The following AHDC1 variants were observed in gnomAD, a reference collection of about 807,000 sequenced individuals.
The protein encoded by AHDC1 is transcription factor Gibbin.
AHDC1 carries 7 observed loss-of-function variants against 87.9 expected under a neutral mutation model. The ratio of observed to expected loss-of-function variants is 0.08; its 90% CI spans 0.05 to 0.15. The LOEUF is 0.15. Ranked by LOEUF, AHDC1 falls within the 10% of genes least tolerant of loss-of-function variation. The pLI is 1.00. For synonymous variants in AHDC1, 1,051 were observed against 1,006.8 expected (o/e 1.04, Z -0.83); for missense variants, 1,841 against 2,253.2 (o/e 0.82, Z 3.70).
At chr1:27,603,225 G>A (rs1464357918) in intron 3 of AHDC1, among the ~76,000 whole-genome samples, 172 bp downstream of exon 3, 1 of 141,936 alleles carries the variant, frequency 7.0e-6, no homozygotes, top group Non-Finnish European at 1.5e-5. Context: ...GCCGAGCCCA[G>A]CCGAGCCGCG....
chr1:27,603,383 G>A lies in AHDC1; in HGVS notation c.-629+14C>T, dbSNP rs1302347109. ...CCAGCGGGGGTCTGGGGCTGGGGAG[G>A]AGGCGCCACTCACCGGAGTGCTGGG... On this transcript the variant is annotated intron_variant, in intron 3 of 8. Coordinates refer to ENST00000673934, the MANE Select transcript of AHDC1 (RefSeq NM_001371928.1). 1.3e-5 allele frequency: 2 copies of A among 152,480 alleles called. No homozygotes were observed. The highest frequency in any genetic ancestry group is 3.8e-4 in the East Asian group (2 of 5,196). The allele number at this position is 152,480 out of a possible 1,614,324, so 9.4% of individuals were successfully genotyped here.
At chr1:27,543,057 G>A (rs1339418365) in intron 8 of AHDC1, among the ~76,000 whole-genome samples, 1 of 152,228 alleles carries the variant, frequency 6.6e-6, no homozygotes, top group Non-Finnish European at 1.5e-5. Context: ...CTGCGGCCTG[G>A]TCCAGGCCCG....
At chr1:27,566,971 G>C (rs1482858626) in intron 3 of AHDC1, among the ~76,000 whole-genome samples, 1 of 151,966 alleles carries the variant, frequency 6.6e-6, no homozygotes, top group Non-Finnish European at 1.5e-5. Flanking sequence ...CCCTGCCCTC[G>C]GGGCTCTACC....
intron 3 of AHDC1, among the ~76,000 whole-genome samples, chr1:27,574,018 C>T (rs1359480026): frequency 6.6e-6 from 1 of 152,160 alleles, no homozygotes; most frequent in African/African-American, 2.4e-5. Flanking sequence ...GGAGTTGACA[C>T]AGGCCCAGGC....
intron 3 of AHDC1, among the ~76,000 whole-genome samples, chr1:27,574,613 T>TG (rs1002693749): frequency 3.9e-5 from 6 of 151,914 alleles, no homozygotes; most frequent in African/African-American, 1.2e-4. Flanking sequence ...GTATGCTAGG[T>TG]GGGGGCAGGA....
Position 27,547,681 on chromosome 1 carries a change from A to G in AHDC1, c.4435T>C (p.Tyr1479His). 6.3e-7 allele frequency: 1 copy of G among 1,595,526 alleles called. No homozygotes were observed. The highest frequency in any genetic ancestry group is 1.3e-5 in the African/African-American group (1 of 74,624). The change falls in exon 8 of 9, where the codon TAT (tyrosine) becomes CAT (histidine). Residue 1479 changes from tyrosine to histidine, a missense_variant. Tyr to His is a moderately conservative substitution (Grantham distance 83). This residue lies in a region of AHDC1 where 505 missense variants were observed against 626.2 expected (regional missense o/e 0.81). Transcript: ENST00000673934. This position sits in a 1 kb window ranked among gnomAD's most constrained non-coding sequence, Gnocchi z 4.9. The part of the protein sequence containing the change: ...PPGSAARSPP[Y>H]EGKVGTGLLA... Reference sequence around the variant, plus strand: ...AGCCCTGTACCCACCTTGCCTTCATAGGGCGGGCTGCGGGCAGCTGAGCCT... The same window carrying G: ...AGCCCTGTACCCACCTTGCCTTCATGGGGCGGGCTGCGGGCAGCTGAGCCT...
In AHDC1 at chr1:27,556,296, A is replaced by G. The variant is rs1024632091; in HGVS notation, c.-225+2009T>C. Among the ~76,000 whole-genome samples, 8 of 143,462 alleles carry G rather than the reference A, an allele frequency of 5.6e-5. 1 individual carries two copies. In the South Asian group the frequency reaches 6.8e-4, roughly 12 times the overall value. The allele number at this position is 143,462 out of a possible 152,430, so 94.1% of individuals were successfully genotyped here. ...AGCCCCAGCTCTCACTTCCGGCCTCATGACCCTCTCTCCAGCTTGCACACT... is the reference window on the plus strand; with the variant it reads ...AGCCCCAGCTCTCACTTCCGGCCTCGTGACCCTCTCTCCAGCTTGCACACT... On this transcript the variant is annotated intron_variant, in intron 5 of 8. Coordinates refer to ENST00000673934, the MANE Select transcript of AHDC1 (RefSeq NM_001371928.1).
Position 27,577,100 on chromosome 1 carries a change from C to G in AHDC1, c.-628-18217G>C, listed in dbSNP as rs557321863. On this transcript the variant is annotated intron_variant, in intron 3 of 8. Coordinates refer to ENST00000673934, the MANE Select transcript of AHDC1 (RefSeq NM_001371928.1). ...TCTTCCTGGCTACTCTGTCCCTGTC[C>G]CTCACTCCCTCTCCAGTAGCTCACA... 1.2e-4 allele frequency among the ~76,000 whole-genome samples: 18 copies of G among 152,278 alleles called. No individual in the cohort carries two copies. The South Asian group carries it at 3.3e-3, about 28-fold the overall frequency.
chr1:27,548,828 G>T lies in AHDC1; in HGVS notation c.3288C>A (p.Pro1096=). Residue 1096 remains proline (P), a synonymous_variant, in exon 8 of 9, where the codon CCC becomes CCA. Coordinates refer to ENST00000673934, the MANE Select transcript of AHDC1 (RefSeq NM_001371928.1). ...CCCCCGCAAACTGCCGACAGTTCTCGGGCGAGGGCTGGAAGGAGGAGGAGG... is the reference window on the plus strand; with the variant it reads ...CCCCCGCAAACTGCCGACAGTTCTCTGGCGAGGGCTGGAAGGAGGAGGAGG... ...SSSSSSFQPS[P]ENCRQFAGAS... The T allele has an allele frequency of 6.2e-7, 1 of 1,613,028 alleles. No homozygotes were observed. Among genetic ancestry groups the T allele is most frequent in the East Asian group, 2.2e-5 (1 of 44,878 alleles).
In AHDC1 at chr1:27,550,864, T is replaced by C. The variant is rs1386110914; in HGVS notation, c.1252A>G (p.Met418Val). ...GPEGRLLPLP[M>V]PTGLVAALAE... ...AGGGCAGCCACCAGCCCCGTGGGCA[T>C]AGGCAGGGGCAGTAGGCGGCCCTCG... The change falls in exon 8 of 9, where the codon ATG (methionine) becomes GTG (valine). Residue 418 changes from methionine (M) to valine (V), a missense_variant. Physicochemically the swap from Met to Val is conservative, Grantham distance 21. Around this residue, in one of 13 missense-constraint regions of AHDC1, gnomAD observed 370 missense variants for 391.5 expected, o/e 0.95. Coordinates refer to ENST00000673934, the MANE Select transcript of AHDC1 (RefSeq NM_001371928.1). The C allele has an allele frequency of 1.2e-5, 19 of 1,580,558 alleles. No homozygotes were observed. The highest frequency in any genetic ancestry group is 1.5e-5 in the Non-Finnish European group (18 of 1,167,794).
intron 3 of AHDC1, among the ~76,000 whole-genome samples, chr1:27,559,256 A>C (rs962698248): frequency 6.6e-6 from 1 of 151,458 alleles, no homozygotes; most frequent in Admixed American, 6.6e-5. Flanking sequence ...GGGTCTCACC[A>C]TCTTGCCCAG....
In AHDC1 at chr1:27,545,333, G is replaced by C. The variant is rs191637626; in HGVS notation, c.*43+1928C>G. Among the ~76,000 whole-genome samples the C allele has an allele frequency of 7.8e-4, 119 of 152,120 alleles. 1 individual carries two copies. The highest frequency in any genetic ancestry group is 2.7e-3 in the African/African-American group (114 of 41,486). On this transcript the variant is annotated intron_variant, in intron 8 of 8. Coordinates refer to ENST00000673934, the MANE Select transcript of AHDC1 (RefSeq NM_001371928.1). ...CTGGACAGATGTCTCTAGAACAATG[G>C]AATGCATTGGTTTGAGGACAGCGCA...
At position 27,548,295 on chromosome 1, in the gene AHDC1, C is replaced by T. The variant is rs577957987; in HGVS notation, c.3821G>A (p.Gly1274Glu). The change falls in exon 8 of 9, where the codon GGA becomes GAA. Residue 1274 changes from glycine (G) to glutamate (E), a missense_variant. Gly to Glu is a moderately conservative substitution (Grantham distance 98). Around this residue, in one of 13 missense-constraint regions of AHDC1, gnomAD observed 505 missense variants for 626.2 expected, o/e 0.81. Coordinates refer to ENST00000673934, the MANE Select transcript of AHDC1 (RefSeq NM_001371928.1). ...RSTGPRQPRG[G>E]RGGGACSAKK... ...GGCTGAGCAGGCCCCACCGCCCCGT[C>T]CACCTCGCGGCTGCCGGGGCCCAGT... The T allele has an allele frequency of 6.2e-7, 1 of 1,606,810 alleles. No homozygotes were observed. The highest frequency in any genetic ancestry group is 1.7e-5 in the Admixed American group (1 of 59,918).
rs1009854037 is a variant in AHDC1 at position 27,560,590 on chromosome 1, C to T, written c.-628-1707G>A. Reference sequence around the variant, plus strand: ...GGCAGTGTGACTGGCCACAGTGTCCCTGTGGGTCTCTTTCACCATGGGTCA... The same window carrying T: ...GGCAGTGTGACTGGCCACAGTGTCCTTGTGGGTCTCTTTCACCATGGGTCA... On this transcript the variant is annotated intron_variant, in intron 3 of 8. Transcript: ENST00000673934. This position sits in a 1 kb window ranked among gnomAD's most constrained non-coding sequence, Gnocchi z 4.1. 2.0e-5 allele frequency among the ~76,000 whole-genome samples: 3 copies of T among 152,200 alleles called. No homozygotes were observed. Among genetic ancestry groups the T allele is most frequent in the African/African-American group, 7.2e-5 (3 of 41,510 alleles).
chr1:27,597,692 G>C (rs1571350930), intron 3 of AHDC1, among the ~76,000 whole-genome samples: 1 of 152,078 alleles, frequency 6.6e-6, no homozygotes, highest in East Asian at 1.9e-4. Flanking sequence ...GGTTTGGGGA[G>C]GGAAGAGGGA....
At chr1:27,567,154 C>T (rs2148374979) in intron 3 of AHDC1, among the ~76,000 whole-genome samples, 1 of 152,216 alleles carries the variant, frequency 6.6e-6, no homozygotes, top group Admixed American at 6.5e-5. Context: ...CCTCTCTGTC[C>T]CCTCCAGTCT....
intron 8 of AHDC1, among the ~76,000 whole-genome samples, chr1:27,536,442 G>T (rs960273723): frequency 6.6e-6 from 1 of 152,190 alleles, no homozygotes; most frequent in African/African-American, 2.4e-5. Context: ...CTAGCCGTAG[G>T]GGCGAGCGGT....
At chr1:27,575,520 T>C (rs993273514) in intron 3 of AHDC1, among the ~76,000 whole-genome samples, 2 of 150,912 alleles carry the variant, frequency 1.3e-5, no homozygotes, top group Non-Finnish European at 3.0e-5. Context: ...CAGGCGCCCC[T>C]GCCCGAGCTG....
At position 27,548,784 on chromosome 1, in the gene AHDC1, C is replaced by T. The variant is rs749233540; in HGVS notation, c.3332G>A (p.Arg1111Gln). ...CCAGTCCAGGCCTCCATAGCCCTGC[C>T]GGAAAGGCCACTGAGAAGCCCCCGC... The part of the protein sequence containing the change: ...QFAGASQWPF[R>Q]QGYGGLDWAS... Residue 1111 changes from arginine (R) to glutamine (Q), a missense_variant, in exon 8 of 9, where the codon CGG (arginine) becomes CAG (glutamine). Arg to Gln is a conservative substitution (Grantham distance 43, BLOSUM62 1). Around this residue, in one of 13 missense-constraint regions of AHDC1, gnomAD observed 378 missense variants for 399.0 expected, o/e 0.95. Coordinates refer to ENST00000673934, the MANE Select transcript of AHDC1 (RefSeq NM_001371928.1). 5 of 1,612,892 alleles carry T rather than the reference C, an allele frequency of 3.1e-6. No homozygotes were observed. The highest frequency in any genetic ancestry group is 1.7e-5 in the Admixed American group (1 of 60,010).
Sources: gnomAD v4.1 joint callset for allele counts (sites outside exome capture counted in the v4.1 genomes callset) on GRCh38, gnomAD v4.1.1 for gene constraint, gnomAD v4.1.1 regional missense constraint, Gnocchi (gnomAD v3.1) non-coding constraint, MANE v1.5 for transcripts, NCBI Gene and HGNC (gene_info 2026-07-23, HGNC 2026-07-21) for gene names.